Variants in TMC1 observed in about 807,000 individuals in gnomAD.
TMC1 encodes the protein transmembrane channel-like protein 1.
Under a neutral mutation model 105.8 loss-of-function variants are expected in TMC1, and 84 were observed. The observed-to-expected ratio is 0.79, with a 90% confidence interval of 0.67 to 0.95. The LOEUF is 0.95. TMC1 is among the 40% of genes least tolerant of loss of function. The pLI, the probability that TMC1 is intolerant of heterozygous loss-of-function variation, is 0.00. For synonymous variants in TMC1, 315 were observed against 311.5 expected, an observed-to-expected ratio of 1.01 and a Z score of -0.12; for missense variants, 817 against 914.1, an observed-to-expected ratio of 0.89 and a Z score of 1.37.
chr9:72,822,391 T>G (rs1316419299), intron 20 of TMC1, among the ~76,000 whole-genome samples: 1 of 152,234 alleles, frequency 6.6e-6, no homozygotes, highest in Non-Finnish European at 1.5e-5. Context: ...TTTTCACTCT[T>G]AACAGTAGTC....
In TMC1 at chr9:72,836,195, C is replaced by G; in HGVS notation, c.*222C>G. ...GTCAGAAACTGTTTCTGCAGAGCCA[C>G]TCTCTCCCCTGCTCCATTTCGTGAC... On this transcript the variant is annotated 3_prime_UTR_variant, in exon 24 of 24. Coordinates refer to ENST00000297784, the MANE Select transcript of TMC1 (RefSeq NM_138691.3). 1.6e-6 allele frequency: 1 copy of G among 624,712 alleles called. No individual in the cohort carries two copies. Among genetic ancestry groups the G allele is most frequent in the Non-Finnish European group, 2.9e-6 (1 of 347,848 alleles). 38.7% of individuals were successfully genotyped at this position (624,712 alleles called of 1,614,324 possible).
At chr9:72,676,770 G>A (rs919935723) in intron 5 of TMC1, among the ~76,000 whole-genome samples, 5 of 152,134 alleles carry the variant, frequency 3.3e-5, no homozygotes, top group African/African-American at 1.2e-4. Flanking sequence ...CTCAGTACTA[G>A]GCCAGTCAGG....
At chr9:72,669,887 G>A (rs928790585) in intron 5 of TMC1, among the ~76,000 whole-genome samples, 1 of 152,122 alleles carries the variant, frequency 6.6e-6, no homozygotes, top group African/African-American at 2.4e-5. Context: ...GACAACAAAG[G>A]ATAATGACCT....
chr9:72,525,277 T>G (rs1417082789), intron 1 of TMC1, among the ~76,000 whole-genome samples: 5 of 152,198 alleles, frequency 3.3e-5, no homozygotes, highest in Non-Finnish European at 5.9e-5. Context: ...TCCTTGTAAG[T>G]AGGACAGGAG....
intron 1 of TMC1, among the ~76,000 whole-genome samples, chr9:72,534,490 A>G (rs1008686905): frequency 2.6e-5 from 4 of 152,222 alleles, no homozygotes; most frequent in African/African-American, 9.6e-5. Flanking sequence ...AATTCTTTCA[A>G]TTGTGTTCAT....
At chr9:72,599,832 G>C (rs1186018485) in intron 2 of TMC1, among the ~76,000 whole-genome samples, 4 of 151,428 alleles carry the variant, frequency 2.6e-5, no homozygotes, top group African/African-American at 9.7e-5. Flanking sequence ...GAAAGAAAAA[G>C]AAAAAAGAAA....
At chr9:72,807,256 A>G (rs1048089923) in intron 18 of TMC1, among the ~76,000 whole-genome samples, 3 of 152,132 alleles carry the variant, frequency 2.0e-5, no homozygotes, top group Admixed American at 2.0e-4. Flanking sequence ...AGAGAGGGAG[A>G]GGGAGACCAT....
chr9:72,533,395 C>G (rs1335286736), intron 1 of TMC1, among the ~76,000 whole-genome samples: 5 of 152,180 alleles, frequency 3.3e-5, no homozygotes, highest in Non-Finnish European at 5.9e-5. Context: ...ACCCAGCAAT[C>G]CACTGGTGCG....
chr9:72,604,558 A>G (rs1824877550), intron 2 of TMC1, among the ~76,000 whole-genome samples: 1 of 152,138 alleles, frequency 6.6e-6, no homozygotes, highest in Non-Finnish European at 1.5e-5. Flanking sequence ...CCGGCATGTT[A>G]TATATTTTAC....
At position 72,806,756 on chromosome 9, in the gene TMC1, C is replaced by T. The variant is rs572810877; in HGVS notation, c.1695+1246C>T. The stretch of plus-strand genomic sequence containing the variant: ...CTTCCTAGGTGGGATGGCGGCCGGG[C>T]GGAGACGCTCCTCACTTTCCAGACT... On this transcript the variant is annotated intron_variant, in intron 18 of 23. Transcript: ENST00000297784. Among the ~76,000 whole-genome samples the T allele has an allele frequency of 5.2e-3, 776 of 150,246 alleles. 6 individuals are homozygous for T. The highest frequency in any genetic ancestry group is 6.9e-3 in the Non-Finnish European group (467 of 67,684).
At chr9:72,562,890 G>T (rs896978702) in intron 1 of TMC1, among the ~76,000 whole-genome samples, 6 of 152,172 alleles carry the variant, frequency 3.9e-5, no homozygotes, top group African/African-American at 1.4e-4. Context: ...GCTGAGGCAG[G>T]AGAATTGCTT....
At chr9:72,585,442 G>A (rs1190801884) in intron 2 of TMC1, among the ~76,000 whole-genome samples, 1 of 151,676 alleles carries the variant, frequency 6.6e-6, no homozygotes, top group Non-Finnish European at 1.5e-5. Context: ...GAGCCACTGC[G>A]CCTGGCCTGG....
chr9:72,528,472 T>C (rs1823443662), intron 1 of TMC1, among the ~76,000 whole-genome samples: 1 of 151,982 alleles, frequency 6.6e-6, no homozygotes, highest in Non-Finnish European at 1.5e-5. Flanking sequence ...GTAGCTGGGA[T>C]TATAGGCATG....
At chr9:72,547,773 C>G (rs182658186) in intron 1 of TMC1, among the ~76,000 whole-genome samples, 4 of 152,272 alleles carry the variant, frequency 2.6e-5, no homozygotes, top group South Asian at 4.2e-4. Context: ...TTCTATACCC[C>G]CCATGAACCT....
intron 5 of TMC1, among the ~76,000 whole-genome samples, chr9:72,661,244 A>C (rs1180973508): frequency 6.6e-6 from 1 of 152,236 alleles, no homozygotes; most frequent in Non-Finnish European, 1.5e-5. Flanking sequence ...GCCTTGCCTG[A>C]TTCCTAGAGT....
At chr9:72,807,091 G>A (rs1252570252) in intron 18 of TMC1, among the ~76,000 whole-genome samples, 2 of 152,190 alleles carry the variant, frequency 1.3e-5, no homozygotes, top group Non-Finnish European at 2.9e-5. Context: ...GCGAAACCCC[G>A]TCTCCACCAA....
At chr9:72,785,866 T>A (rs1828160063) in intron 13 of TMC1, among the ~76,000 whole-genome samples, 1 of 152,256 alleles carries the variant, frequency 6.6e-6, no homozygotes, top group African/African-American at 2.4e-5. Context: ...AAGAGAGAAC[T>A]AGTCCACATG....
intron 7 of TMC1, among the ~76,000 whole-genome samples, chr9:72,696,120 CAAAAAAATCCTTTT>C (rs2117850677): frequency 6.6e-6 from 1 of 152,116 alleles, no homozygotes; most frequent in African/African-American, 2.4e-5. Flanking sequence ...ATTTATGCCG[CAAAAAAATCCTTTT>C]AAAAAGATGA....
At chr9:72,624,091 C>T (rs66867878) in intron 3 of TMC1, among the ~76,000 whole-genome samples, 7,768 of 152,204 alleles carry the variant, frequency 0.051, 240 homozygotes, top group Non-Finnish European at 0.062. Flanking sequence ...CCCTGAGGAA[C>T]GGTACTATGT....
Sources: allele counts gnomAD v4.1 joint callset (sites outside exome capture counted in the v4.1 genomes callset), GRCh38; gene constraint gnomAD v4.1.1; transcripts MANE v1.5; gene names NCBI Gene and HGNC (gene_info 2026-07-23, HGNC 2026-07-21).